Variants in CNTN3 observed in about 807,000 individuals in gnomAD.
The protein encoded by CNTN3 is contactin 3, also known as contactin-3.
CNTN3 carries 60 observed loss-of-function variants against 119.1 expected under a neutral mutation model. The ratio of observed to expected loss-of-function variants is 0.50; its 90% CI spans 0.41 to 0.62. The LOEUF is 0.62. Ranked by LOEUF, CNTN3 falls within the 20% of genes least tolerant of loss-of-function variation. The pLI, the probability that CNTN3 is intolerant of heterozygous loss-of-function variation, is 0.00. For missense variants in CNTN3, 1,101 were observed against 1,242.4 expected (o/e 0.89, Z 1.71); for synonymous variants, 450 against 438.7 (o/e 1.03, Z -0.32).
chr3:74,424,204 C>G (rs1043823789), intron 5 of CNTN3, among the ~76,000 whole-genome samples: 5 of 152,044 alleles, frequency 3.3e-5, no homozygotes, highest in African/African-American at 1.2e-4. Flanking sequence ...ACCCCAGGCT[C>G]ATACTGGGGA....
At chr3:74,448,260 G>T (rs1702084384) in intron 4 of CNTN3, among the ~76,000 whole-genome samples, 1 of 152,108 alleles carries the variant, frequency 6.6e-6, no homozygotes, top group Non-Finnish European at 1.5e-5. Flanking sequence ...AGACAAACAA[G>T]TAGATAAGTT....
intron 16 of CNTN3, 72 bp from the exon 17 acceptor site, chr3:74,300,010 TG>T (rs763288779): frequency 1.5e-4 from 140 of 953,712 alleles, no homozygotes; most frequent in Non-Finnish European, 1.9e-4. Flanking sequence ...GATAATGCAA[TG>T]TTTTTTTAAT....
chr3:74,471,541 C>T (rs1463566064), intron 4 of CNTN3, among the ~76,000 whole-genome samples: 1 of 152,088 alleles, frequency 6.6e-6, no homozygotes, highest in South Asian at 2.1e-4. Context: ...GAACACCTAG[C>T]GTTATCTTAT....
intron 4 of CNTN3, among the ~76,000 whole-genome samples, chr3:74,449,740 CA>C (rs1217947417): frequency 6.6e-6 from 1 of 152,000 alleles, no homozygotes; most frequent in Non-Finnish European, 1.5e-5. Context: ...AGACATTTAC[CA>C]AAAGCCACTT....
chr3:74,460,022 T>G (rs1335560511), intron 4 of CNTN3, among the ~76,000 whole-genome samples: 1 of 152,040 alleles, frequency 6.6e-6, no homozygotes, highest in Non-Finnish European at 1.5e-5. Context: ...AAGGGTACCC[T>G]TCCTCCAATG....
At chr3:74,404,031 C>A (rs1705261341) in intron 5 of CNTN3, among the ~76,000 whole-genome samples, 1 of 152,230 alleles carries the variant, frequency 6.6e-6, no homozygotes, top group East Asian at 1.9e-4. Context: ...TATTCTCTGT[C>A]TTTTCCTATT....
intron 5 of CNTN3, among the ~76,000 whole-genome samples, chr3:74,374,283 G>GTT (rs397874867): frequency 1.4e-4 from 20 of 142,648 alleles, no homozygotes; most frequent in African/African-American, 4.6e-4. Flanking sequence ...CTTTTTTCCA[G>GTT]TTTTTTTTTT....
In CNTN3 at chr3:74,264,432, A is replaced by G; in HGVS notation, c.3056T>C (p.Val1019Ala). The G allele has an allele frequency of 6.2e-7, 1 of 1,609,764 alleles. No individual in the cohort carries two copies. Among genetic ancestry groups the G allele is most frequent in the Non-Finnish European group, 8.5e-7 (1 of 1,176,486 alleles). Residue 1019 changes from valine to alanine, a missense_variant, in exon 23 of 23, where the codon GTA (valine) becomes GCA (alanine). By Grantham distance (64) the Val-to-Ala change is moderately conservative (BLOSUM62 0). Transcript: ENST00000263665. ...VHPMSSYMPI[V>A]LFLIVYVLW is the part of the protein sequence containing the mutation. ...CAGGACATATACAATTAAGAACAGT[A>G]CTATAGGCATATAACTTGACATAGG...
chr3:74,450,265 T>C (rs1702124703), intron 4 of CNTN3, among the ~76,000 whole-genome samples: 1 of 152,070 alleles, frequency 6.6e-6, no homozygotes, highest in African/African-American at 2.4e-5. Context: ...AATCTTGCAG[T>C]TATAAAACAT....
At chr3:74,589,137 A>G (rs1345995120) in intron 1 of CNTN3, among the ~76,000 whole-genome samples, 47 of 151,938 alleles carry the variant, frequency 3.1e-4, no homozygotes, top group Non-Finnish European at 5.6e-4. Context: ...GCTTCTGCAC[A>G]GCAAAAGAAA....
chr3:74,498,128 A>T (rs539296168), intron 3 of CNTN3, among the ~76,000 whole-genome samples: 1 of 151,994 alleles, frequency 6.6e-6, no homozygotes, highest in African/African-American at 2.4e-5. Context: ...CTGACAACAG[A>T]AAAACAGCCC....
chr3:74,578,453 TGA>T (rs1208018095), intron 1 of CNTN3, among the ~76,000 whole-genome samples: 1 of 152,044 alleles, frequency 6.6e-6, no homozygotes, highest in African/African-American at 2.4e-5. Flanking sequence ...TAGAGTTAAA[TGA>T]GAGGACTTTT....
intron 1 of CNTN3, among the ~76,000 whole-genome samples, chr3:74,521,909 A>T (rs1703548820): frequency 6.6e-6 from 1 of 151,830 alleles, no homozygotes; most frequent in Admixed American, 6.6e-5. Context: ...CGCGATACAC[A>T]GACCTAAATC....
chr3:74,545,997 CTTTTT>C (rs892360786), intron 1 of CNTN3, among the ~76,000 whole-genome samples: 11 of 149,420 alleles, frequency 7.4e-5, no homozygotes, highest in African/African-American at 2.7e-4. Flanking sequence ...TTTTTCCTTT[CTTTTT>C]TTTTTCTTTT....
At chr3:74,487,711 C>T (rs893037414) in intron 3 of CNTN3, among the ~76,000 whole-genome samples, 2 of 151,958 alleles carry the variant, frequency 1.3e-5, no homozygotes, top group East Asian at 1.9e-4. Flanking sequence ...AATATTTAAC[C>T]TGCACATATG....
chr3:74,281,794 C>A (rs531048287), intron 20 of CNTN3, among the ~76,000 whole-genome samples: 2 of 152,158 alleles, frequency 1.3e-5, no homozygotes, highest in African/African-American at 4.8e-5. Flanking sequence ...GGGACTATCA[C>A]AGAAGAGAGA....
chr3:74,481,843 T>C (rs1034183576), intron 4 of CNTN3, among the ~76,000 whole-genome samples: 1 of 151,680 alleles, frequency 6.6e-6, no homozygotes, highest in African/African-American at 2.4e-5. Context: ...AAGATAATAT[T>C]TATAAGAGAA....
intron 5 of CNTN3, among the ~76,000 whole-genome samples, chr3:74,379,476 A>G (rs1704562776): frequency 6.6e-6 from 1 of 152,108 alleles, no homozygotes; most frequent in African/African-American, 2.4e-5. Context: ...TCCTGGTGCC[A>G]CGGCTGCTGC....
At chr3:74,519,248 C>T (rs1703502898) in intron 2 of CNTN3, among the ~76,000 whole-genome samples, 1 of 151,622 alleles carries the variant, frequency 6.6e-6, no homozygotes, top group South Asian at 2.1e-4. Flanking sequence ...GTAAATTAAT[C>T]CAATTCTCCC....
Sources: gnomAD v4.1 joint callset for allele counts (sites outside exome capture counted in the v4.1 genomes callset) on GRCh38, gnomAD v4.1.1 for gene constraint, MANE v1.5 for transcripts, NCBI Gene and HGNC (gene_info 2026-07-23, HGNC 2026-07-21) for gene names.